FLYWCH1: variants seen among roughly 807,000 people sequenced by gnomAD.
The protein encoded by FLYWCH1 is FLYWCH-type zinc finger-containing protein 1.
Under a neutral mutation model 66.4 loss-of-function variants are expected in FLYWCH1, and 75 were observed. The ratio of observed to expected loss-of-function variants is 1.13; its 90% CI spans 0.94 to 1.37. FLYWCH1 has a LOEUF of 1.37. Ranked by LOEUF, FLYWCH1 falls within the 40% of genes most tolerant of loss-of-function variation. FLYWCH1 has a pLI of 0.00. For missense variants in FLYWCH1, 1,334 were observed against 1,001.8 expected, an observed-to-expected ratio of 1.33 and a Z score of -4.48; for synonymous variants, 595 against 429.9, an observed-to-expected ratio of 1.38 and a Z score of -4.75.
intron 6 of FLYWCH1, chr16:2,934,520 C>T (rs541556511): frequency 8.2e-5 from 33 of 401,054 alleles, no homozygotes; most frequent in South Asian, 6.0e-4. Context: ...TTTGACTTCA[C>T]AACCACAGTT....
chr16:2,948,804 AGGTTT>A lies in FLYWCH1; in HGVS notation c.*80_*84del, dbSNP rs778549360. ...CCACACAGGCACTTCCCATCCACCTAGGTTTGGCTTAGCAGAAACTTCTTTTCATT... is the reference window on the plus strand; with the variant it reads ...CCACACAGGCACTTCCCATCCACCTAGGCTTAGCAGAAACTTCTTTTCATT... On this transcript the variant is annotated 3_prime_UTR_variant, in exon 10 of 10. Coordinates refer to ENST00000253928, the MANE Select transcript of FLYWCH1 (RefSeq NM_001308068.2). 4.1e-5 allele frequency: 56 copies of A among 1,369,636 alleles called. No individual in the cohort carries two copies. The African/African-American group carries it at 7.6e-4, about 19-fold the overall frequency. 84.8% of individuals were successfully genotyped at this position (1,369,636 alleles called of 1,614,324 possible). A position where few individuals can be genotyped will look rare whatever the true frequency, so the allele number is the denominator to read the frequency against.
Position 2,929,674 on chromosome 16 carries a change from C to T in FLYWCH1, c.-12C>T, listed in dbSNP as rs781197128. The T allele has an allele frequency of 3.1e-5, 49 of 1,606,196 alleles. No individual in the cohort carries two copies. The highest frequency in any genetic ancestry group is 1.0e-4 in the Admixed American group (6 of 58,926). ...CTGAGCGTGGCCTGAGGGACAGGCC[C>T]TGGGTCCCGGGATGCCCCTGCCCGA... On this transcript the variant is annotated 5_prime_UTR_variant, in exon 3 of 10. Transcript: ENST00000253928.
Position 2,929,876 on chromosome 16 carries a change from G to A in FLYWCH1, c.191G>A (p.Cys64Tyr), listed in dbSNP as rs777355294. ...GGATCCAAGCCCCAGGAAGTGCACT[G>A]CGTCCTGTCCCTGGAGATGGCTGGC... ...GVGSKPQEVHCVLSLEMAGPA... is the reference protein window; with the variant it reads ...GVGSKPQEVHYVLSLEMAGPA... The change falls in exon 3 of 10, where the codon TGC (cysteine) becomes TAC (tyrosine). Residue 64 changes from cysteine to tyrosine, a missense_variant. By Grantham distance (194) the Cys-to-Tyr change is radical. Transcript: ENST00000253928. The A allele has an allele frequency of 1.2e-6, 2 of 1,613,800 alleles. No homozygotes were observed. Among genetic ancestry groups the A allele is most frequent in the African/African-American group, 1.3e-5 (1 of 74,934 alleles).
Position 2,930,906 on chromosome 16 carries a change from C to A in FLYWCH1, c.796+26C>A, listed in dbSNP as rs571632544. 2.6e-6 allele frequency: 4 copies of A among 1,540,894 alleles called. No individual in the cohort carries two copies. The Admixed American group carries it at 5.8e-5, about 22-fold the overall frequency. ...GTGAGTACAATCCACTCCCCTGCTG[C>A]GTCCACTCGGGGCAGGGGACCCGAG... is the stretch of plus-strand genomic sequence containing the variant. On this transcript the variant is annotated intron_variant, in intron 4 of 9. Coordinates refer to ENST00000253928, the MANE Select transcript of FLYWCH1 (RefSeq NM_001308068.2).
Position 2,938,313 on chromosome 16 carries a change from G to C in FLYWCH1, c.1907G>C (p.Arg636Pro). The C allele has an allele frequency of 6.2e-7, 1 of 1,609,002 alleles. No individual in the cohort carries two copies. Among genetic ancestry groups the C allele is most frequent in the Non-Finnish European group, 8.5e-7 (1 of 1,178,024 alleles). The stretch of plus-strand genomic sequence containing the variant: ...TACTGGATGTGCCGGGACCAGGCTC[G>C]GCTGGGCTGCCGCAGCCGCGCCATA... ...KVYWMCRDQA[R>P]LGCRSRAITQ... Residue 636 changes from arginine to proline, a missense_variant, in exon 8 of 10, where the codon CGG becomes CCG. Arg to Pro is a moderately radical substitution (Grantham distance 103, BLOSUM62 -2). Coordinates refer to ENST00000253928, the MANE Select transcript of FLYWCH1 (RefSeq NM_001308068.2).
chr16:2,930,618 G>A lies in FLYWCH1; in HGVS notation c.534G>A (p.Glu178=). 6.4e-7 allele frequency: 1 copy of A among 1,550,970 alleles called. No homozygotes were observed. Among genetic ancestry groups the A allele is most frequent in the East Asian group, 2.4e-5 (1 of 41,040 alleles). ...VMRGHCHAPD[E]QGLEARRQRE... is the part of the protein sequence containing the mutation. ...GGGGCCACTGCCACGCGCCCGATGA[G>A]CAAGGCCTGGAGGCCCGGCGCCAGA... is the stretch of plus-strand genomic sequence containing the variant. Residue 178 remains glutamate, a synonymous_variant, in exon 4 of 10, where the codon GAG becomes GAA. Transcript: ENST00000253928.
chr16:2,939,492 A>G (rs551067471), intron 8 of FLYWCH1, among the ~76,000 whole-genome samples: 3 of 151,746 alleles, frequency 2.0e-5, no homozygotes, highest in Non-Finnish European at 2.9e-5. Flanking sequence ...CCTGGCCAAC[A>G]TGGTGAAACC....
At chr16:2,927,012 A>C (rs554277939) in intron 2 of FLYWCH1, among the ~76,000 whole-genome samples, 9 of 152,352 alleles carry the variant, frequency 5.9e-5, no homozygotes, top group African/African-American at 2.2e-4. Context: ...AGTAGAAAAT[A>C]AAACCCAACC....
intron 9 of FLYWCH1, chr16:2,943,409 C>G (rs959225081): frequency 2.0e-5 from 3 of 151,668 alleles, no homozygotes; most frequent in African/African-American, 7.3e-5. Context: ...TAAATCCCAG[C>G]CACTAGTATG....
At chr16:2,938,153 G>A in intron 7 of FLYWCH1, 31 bp from the exon 8 acceptor site, 1 of 1,602,672 alleles carries the variant, frequency 6.2e-7, no homozygotes, top group South Asian at 1.1e-5. Context: ...GGCCCCTGTG[G>A]CCCCACTCAC....
intron 6 of FLYWCH1, chr16:2,936,219 G>A: frequency 2.8e-6 from 1 of 352,954 alleles, no homozygotes; most frequent in Admixed American, 3.7e-5. Context: ...CCCCTTGCTG[G>A]ATATTTTCAT....
intron 7 of FLYWCH1, among the ~76,000 whole-genome samples, chr16:2,937,811 G>A (rs1337319421): frequency 8.1e-6 from 1 of 124,152 alleles, no homozygotes; most frequent in Non-Finnish European, 1.7e-5. Context: ...AAAGTCAGCT[G>A]CCAGCTGGCT....
intron 1 of FLYWCH1, chr16:2,913,060 G>T (rs1443674400): frequency 6.6e-6 from 1 of 152,228 alleles, no homozygotes; most frequent in Non-Finnish European, 1.5e-5. Context: ...CTAGATTGCG[G>T]AGTGTTTATG....
chr16:2,938,104 G>T, intron 7 of FLYWCH1, 80 bp from the exon 8 acceptor site: 1 of 1,412,898 alleles, frequency 7.1e-7, no homozygotes. Flanking sequence ...GTGGGGCCTG[G>T]CTGGGGGATA....
Position 2,930,282 on chromosome 16 carries a change from T to G in FLYWCH1, c.326-128T>G, listed in dbSNP as rs190786386. 286 of 658,856 alleles carry G rather than the reference T, an allele frequency of 4.3e-4. 2 individuals carry two copies. Among genetic ancestry groups the G allele is most frequent in the African/African-American group, 2.7e-3 (149 of 54,820 alleles). 40.8% of individuals were successfully genotyped at this position (658,856 alleles called of 1,614,324 possible). The stretch of plus-strand genomic sequence containing the variant: ...AAAAACCAGCCCTGAGAGTCTGGGC[T>G]TCTTGCTTGGGAGCAGGAGGAGAAG... On this transcript the variant is annotated intron_variant, in intron 3 of 9. Coordinates refer to ENST00000253928, the MANE Select transcript of FLYWCH1 (RefSeq NM_001308068.2).
At chr16:2,923,972 G>T (rs1203331699) in intron 2 of FLYWCH1, among the ~76,000 whole-genome samples, 16 of 152,114 alleles carry the variant, frequency 1.1e-4, no homozygotes, top group Non-Finnish European at 2.2e-4. Context: ...AGGAGGTGGA[G>T]GTTGCATTGA....
At position 2,920,308 on chromosome 16, in the gene FLYWCH1, G is replaced by A. The variant is rs556409245; in HGVS notation, c.-74+6019G>A. Among the ~76,000 whole-genome samples, 4 of 152,050 alleles carry A rather than the reference G, an allele frequency of 2.6e-5. No individual in the cohort carries two copies. In the East Asian group the frequency reaches 5.8e-4, roughly 22 times the overall value. On this transcript the variant is annotated intron_variant, in intron 2 of 9. Transcript: ENST00000253928. ...GTAGGTAACTAGAGGCCAGGAGTTC[G>A]AGACCAGCCTGGCCAAAATGGTGAA...
chr16:2,932,627 G>A (rs1476403772), intron 4 of FLYWCH1, among the ~76,000 whole-genome samples: 8 of 152,156 alleles, frequency 5.3e-5, no homozygotes, highest in Admixed American at 5.2e-4. Flanking sequence ...GGAACAGGGA[G>A]ACTTATTTTT....
intron 9 of FLYWCH1, among the ~76,000 whole-genome samples, chr16:2,941,370 C>G (rs975098277): frequency 6.6e-6 from 1 of 152,106 alleles, no homozygotes; most frequent in Non-Finnish European, 1.5e-5. Flanking sequence ...CACTGAAAGC[C>G]GTGCTTAGAG....
Sources: allele counts gnomAD v4.1 joint callset (sites outside exome capture counted in the v4.1 genomes callset), GRCh38; gene constraint gnomAD v4.1.1; transcripts MANE v1.5; gene names NCBI Gene and HGNC (gene_info 2026-07-23, HGNC 2026-07-21).